Variants in ARHGEF28 observed in about 807,000 individuals in gnomAD.
ARHGEF28 encodes the protein Rho guanine nucleotide exchange factor 28.
A neutral mutation model predicts 206.6 loss-of-function variants in ARHGEF28; 152 were observed. The ratio of observed to expected loss-of-function variants is 0.74; its 90% CI spans 0.64 to 0.84. The LOEUF (loss-of-function observed/expected upper bound fraction) is 0.84. Ranked by LOEUF, ARHGEF28 falls within the 40% of genes least tolerant of loss-of-function variation. The pLI, the probability that ARHGEF28 is intolerant of heterozygous loss-of-function variation, is 0.00. For synonymous variants in ARHGEF28, 763 were observed against 776.4 expected, an observed-to-expected ratio of 0.98 and a Z score of 0.29; for missense variants, 2,028 against 2,073.2, an observed-to-expected ratio of 0.98 and a Z score of 0.42.
chr5:73,699,354 A>G (rs377595516), intron 2 of ARHGEF28, among the ~76,000 whole-genome samples: 1 of 152,006 alleles, frequency 6.6e-6, no homozygotes, highest in African/African-American at 2.4e-5. Context: ...GTGCAGATCA[A>G]TAATAAGGGG....
Position 73,868,145 on chromosome 5 carries a change from C to A in ARHGEF28, c.2343C>A (p.Asn781Lys). The A allele has an allele frequency of 6.2e-7, 1 of 1,608,862 alleles. No homozygotes were observed. The highest frequency in any genetic ancestry group is 8.5e-7 in the Non-Finnish European group (1 of 1,177,458). ...CCTTGGAGTCTGAGAGTGACCATAACAGCTGCAGAAGCAGGTCTCATTCTG... is the reference window on the plus strand; with the variant it reads ...CCTTGGAGTCTGAGAGTGACCATAAAAGCTGCAGAAGCAGGTCTCATTCTG... The part of the protein sequence containing the change: ...ATSLESESDH[N>K]SCRSRSHSDE... The change falls in exon 20 of 36, where the codon AAC (asparagine) becomes AAA (lysine). Residue 781 changes from asparagine (N) to lysine (K), a missense_variant. Around this residue, in one of 3 missense-constraint regions of ARHGEF28, gnomAD observed 1,002 missense variants for 1,015.3 expected, o/e 0.99. Coordinates refer to ENST00000513042, the MANE Select transcript of ARHGEF28 (RefSeq NM_001177693.2).
At chr5:73,907,024 C>G (rs1446609592) in intron 33 of ARHGEF28, among the ~76,000 whole-genome samples, 1 of 152,062 alleles carries the variant, frequency 6.6e-6, no homozygotes, top group Non-Finnish European at 1.5e-5. Flanking sequence ...TAGGCTAGGA[C>G]TTTTGAAAAT....
Position 73,811,765 on chromosome 5 carries a change from G to T in ARHGEF28, c.1024+16374G>T, listed in dbSNP as rs146819110. 9.8e-3 allele frequency among the ~76,000 whole-genome samples: 1,499 copies of T among 152,190 alleles called. 9 individuals are homozygous for T. Among genetic ancestry groups the T allele is most frequent in the Middle Eastern group, 0.054 (16 of 294 alleles). ...TGGGAGGCCAAGGTGGGTGGATCAC[G>T]TGAGGTCAGGAGTTCGAGACCAGCC... On this transcript the variant is annotated intron_variant, in intron 9 of 35. Transcript: ENST00000513042.
At chr5:73,836,118 A>G (rs1757617006) in intron 10 of ARHGEF28, among the ~76,000 whole-genome samples, 1 of 152,178 alleles carries the variant, frequency 6.6e-6, no homozygotes, top group African/African-American at 2.4e-5. Flanking sequence ...ATGGGAGTGC[A>G]GACATCTCTT....
intron 2 of ARHGEF28, among the ~76,000 whole-genome samples, chr5:73,713,055 C>T (rs144689284): frequency 0.012 from 1,877 of 152,046 alleles, 32 homozygotes; most frequent in African/African-American, 0.039. Context: ...ATTCACCCAC[C>T]CTAAGGAAAT....
chr5:73,842,987 TAAA>T (rs35222956), intron 11 of ARHGEF28, among the ~76,000 whole-genome samples: 19 of 130,638 alleles, frequency 1.5e-4, no homozygotes, highest in Admixed American at 3.9e-4. Context: ...ACTCTGTCTT[TAAA>T]AAAAAAAAAA....
intron 14 of ARHGEF28, among the ~76,000 whole-genome samples, chr5:73,853,352 A>G (rs534411578): frequency 2.9e-4 from 44 of 152,392 alleles, no homozygotes; most frequent in Non-Finnish European, 4.7e-4. Context: ...ATGCAAAACA[A>G]GTGCCAGAAT....
intron 4 of ARHGEF28, 42 bp downstream of exon 4, chr5:73,753,244 C>A: frequency 6.6e-7 from 1 of 1,504,290 alleles, no homozygotes; most frequent in South Asian, 1.4e-5. Context: ...CTCTGTGTGT[C>A]AAGTTCAGAA....
In ARHGEF28 at chr5:73,880,212, G is replaced by A. The variant is rs375837553; in HGVS notation, c.2815-2260G>A. 7.2e-5 allele frequency among the ~76,000 whole-genome samples: 11 copies of A among 152,176 alleles called. No homozygotes were observed. In the East Asian group the frequency reaches 9.7e-4, roughly 13 times the overall value. On this transcript the variant is annotated intron_variant, in intron 22 of 35. Transcript: ENST00000513042. Reference sequence around the variant, plus strand: ...TGCTAGCAATCAGCGAGACTCCGTGGGTGTAGGACCCTCCGAGCCAGGTGT... The same window carrying A: ...TGCTAGCAATCAGCGAGACTCCGTGAGTGTAGGACCCTCCGAGCCAGGTGT...
chr5:73,880,418 T>C (rs2973580), intron 22 of ARHGEF28, among the ~76,000 whole-genome samples: 90,008 of 151,624 alleles, frequency 0.59, 27,344 homozygotes, highest in African/African-American at 0.7. Flanking sequence ...AGCTCACGCA[T>C]GGTGTGCTGC....
rs149937379 is a variant in ARHGEF28, at chr5:73,846,166, C to T, written c.1428-102C>T. On this transcript the variant is annotated intron_variant, in intron 11 of 35. Transcript: ENST00000513042. Reference sequence around the variant, plus strand: ...AAATTAAATGAATACCTATTGCACCCCCCCCGCCCCAGTGAAAGAATCTGG... The same window carrying T: ...AAATTAAATGAATACCTATTGCACCTCCCCCGCCCCAGTGAAAGAATCTGG... The T allele has an allele frequency of 1.3e-4, 137 of 1,058,436 alleles. 1 individual carries two copies. In the Admixed American group the frequency reaches 2.6e-3, roughly 20 times the overall value. 65.6% of individuals were successfully genotyped at this position (1,058,436 alleles called of 1,614,324 possible).
chr5:73,881,140 G>T (rs779522682), intron 22 of ARHGEF28, among the ~76,000 whole-genome samples: 1 of 151,544 alleles, frequency 6.6e-6, no homozygotes, highest in African/African-American at 2.4e-5. Context: ...AAAATCATGT[G>T]GGCATCTGGG....
intron 2 of ARHGEF28, among the ~76,000 whole-genome samples, chr5:73,708,081 A>C (rs1415287582): frequency 1.3e-5 from 2 of 152,166 alleles, no homozygotes; most frequent in Admixed American, 6.5e-5. Context: ...TTCTGAGAGA[A>C]TATAGACCTG....
At chr5:73,930,674 A>G (rs1269401806) in intron 35 of ARHGEF28, among the ~76,000 whole-genome samples, 3 of 152,190 alleles carry the variant, frequency 2.0e-5, no homozygotes, top group African/African-American at 7.2e-5. Flanking sequence ...GTTCCATCCT[A>G]CTGAGACTAA....
intron 1 of ARHGEF28, among the ~76,000 whole-genome samples, chr5:73,667,075 T>C (rs1402422814): frequency 6.6e-6 from 1 of 152,044 alleles, no homozygotes; most frequent in Non-Finnish European, 1.5e-5. Flanking sequence ...CAGCATCAGG[T>C]AGTTGGTTGA....
rs1426441892 is a variant in ARHGEF28 at position 73,899,450 on chromosome 5, G to A, written c.3973+1357G>A. On this transcript the variant is annotated intron_variant, in intron 30 of 35. Transcript: ENST00000513042. ...TGGGGAGAGTTTCAAAGGGACACCC[G>A]TGGCATTTGCCAGAACCATTGAGAG... 5 of 152,182 alleles carry A rather than the reference G, an allele frequency of 3.3e-5. No homozygotes were observed. In the South Asian group the frequency reaches 6.2e-4, roughly 19 times the overall value. 9.4% of individuals were successfully genotyped at this position (152,182 alleles called of 1,614,324 possible). A position where few individuals can be genotyped will look rare whatever the true frequency, so the allele number is the denominator to read the frequency against.
chr5:73,786,569 T>C (rs941723418), intron 7 of ARHGEF28: 10 of 152,204 alleles, frequency 6.6e-5, no homozygotes, highest in African/African-American at 2.4e-4. Context: ...GGCACAGACA[T>C]GTCTCGATGA....
chr5:73,852,260 T>G (rs543829760), intron 13 of ARHGEF28, among the ~76,000 whole-genome samples: 90 of 152,350 alleles, frequency 5.9e-4, no homozygotes, highest in African/African-American at 2.0e-3. Flanking sequence ...GAGCTTTGTT[T>G]AAAAGCAGTT....
chr5:73,831,797 T>C (rs1253937038), intron 9 of ARHGEF28, among the ~76,000 whole-genome samples: 1 of 152,248 alleles, frequency 6.6e-6, no homozygotes, highest in Non-Finnish European at 1.5e-5. Context: ...GTTCAAGTGC[T>C]TCTCCTTTGT....
Sources: gnomAD v4.1 joint callset for allele counts (sites outside exome capture counted in the v4.1 genomes callset) on GRCh38, gnomAD v4.1.1 for gene constraint, gnomAD v4.1.1 regional missense constraint, MANE v1.5 for transcripts, NCBI Gene and HGNC (gene_info 2026-07-23, HGNC 2026-07-21) for gene names.